Variants in WDPCP observed in about 807,000 individuals in gnomAD.
WDPCP encodes WD repeat-containing and planar cell polarity effector protein fritz homolog.
Under a neutral mutation model 93.1 loss-of-function variants are expected in WDPCP, and 71 were observed. That is an observed-to-expected ratio of 0.76 (90% CI 0.63 to 0.93). The LOEUF is 0.93. WDPCP is among the 40% of genes least tolerant of loss of function. The pLI, the probability that WDPCP is intolerant of heterozygous loss-of-function variation, is 0.00. For synonymous variants in WDPCP, 315 were observed against 315.0 expected, an observed-to-expected ratio of 1.00 and a Z score of 0.00; for missense variants, 844 against 887.4, an observed-to-expected ratio of 0.95 and a Z score of 0.62.
At chr2:63,124,210 G>C (rs1167382350) in intron 17 of WDPCP, among the ~76,000 whole-genome samples, 2 of 151,568 alleles carry the variant, frequency 1.3e-5, no homozygotes, top group Non-Finnish European at 2.9e-5. Flanking sequence ...TGTAGAATTG[G>C]TAGTTTTGCT....
chr2:63,397,274 A>G (rs1006659875), intron 10 of WDPCP, among the ~76,000 whole-genome samples: 2 of 152,178 alleles, frequency 1.3e-5, no homozygotes, highest in African/African-American at 4.8e-5. Flanking sequence ...GGATTCTAGA[A>G]CGACTTTTGA....
chr2:63,145,675 C>T (rs1349756270), intron 17 of WDPCP, among the ~76,000 whole-genome samples: 1 of 152,134 alleles, frequency 6.6e-6, no homozygotes, highest in Non-Finnish European at 1.5e-5. Flanking sequence ...TTGTCCTGGG[C>T]TACCTGCCTC....
intron 2 of WDPCP, among the ~76,000 whole-genome samples, chr2:63,664,170 G>A (rs969520874): frequency 6.6e-6 from 1 of 152,168 alleles, no homozygotes; most frequent in Non-Finnish European, 1.5e-5. Flanking sequence ...TCATCAGTAC[G>A]TGAGTGGTCA....
At chr2:63,328,497 AG>A (rs1198565832) in intron 12 of WDPCP, among the ~76,000 whole-genome samples, 17 of 152,082 alleles carry the variant, frequency 1.1e-4, no homozygotes, top group Non-Finnish European at 2.9e-5. Flanking sequence ...CGCCTTTAAG[AG>A]CTGTAACACT....
intron 7 of WDPCP, among the ~76,000 whole-genome samples, chr2:63,439,035 A>T (rs1697328285): frequency 6.6e-6 from 1 of 152,136 alleles, no homozygotes; most frequent in Non-Finnish European, 1.5e-5. Context: ...GACTCTGGAC[A>T]TGTTCCTTAG....
chr2:63,294,311 C>G (rs1684673291), intron 13 of WDPCP, among the ~76,000 whole-genome samples: 2 of 12,852 alleles, frequency 1.6e-4, no homozygotes, highest in Non-Finnish European at 2.6e-4. Flanking sequence ...CAGGACCAGT[C>G]TGGCCAACAG....
chr2:63,136,911 T>C (rs1670661023), intron 17 of WDPCP, among the ~76,000 whole-genome samples: 1 of 152,224 alleles, frequency 6.6e-6, no homozygotes, highest in Non-Finnish European at 1.5e-5. Context: ...CATGGCTGTA[T>C]AGTATTCCAT....
intron 13 of WDPCP, among the ~76,000 whole-genome samples, chr2:63,263,632 G>A (rs954698872): frequency 5.3e-5 from 8 of 152,154 alleles, no homozygotes; most frequent in African/African-American, 1.7e-4. Flanking sequence ...GCAGAAAACG[G>A]ATTAAGACAA....
chr2:63,448,970 T>C (rs1413242523), intron 6 of WDPCP, among the ~76,000 whole-genome samples: 1 of 152,156 alleles, frequency 6.6e-6, no homozygotes, highest in Non-Finnish European at 1.5e-5. Flanking sequence ...TAATAATGTG[T>C]TGTATATTTC....
At chr2:63,771,907 A>G (rs532783469) in intron 2 of WDPCP, among the ~76,000 whole-genome samples, 2 of 152,064 alleles carry the variant, frequency 1.3e-5, no homozygotes, top group Admixed American at 1.3e-4. Context: ...ATAGTATTCC[A>G]TTGTGTATAT....
At chr2:63,162,816 A>C (rs1279860299) in intron 15 of WDPCP, among the ~76,000 whole-genome samples, 9 of 152,144 alleles carry the variant, frequency 5.9e-5, no homozygotes, top group Admixed American at 5.9e-4. Flanking sequence ...AAGTCCACTA[A>C]TAAAGGTTAA....
intron 15 of WDPCP, among the ~76,000 whole-genome samples, chr2:63,171,274 C>CAG (rs1366974050): frequency 1.3e-5 from 2 of 152,160 alleles, no homozygotes; most frequent in Non-Finnish European, 2.9e-5. Context: ...AGGCAGATCA[C>CAG]AGACGGAGAA....
chr2:63,818,111 G>C (rs373174518), intron 1 of WDPCP, among the ~76,000 whole-genome samples: 2 of 152,152 alleles, frequency 1.3e-5, no homozygotes, highest in Non-Finnish European at 2.9e-5. Flanking sequence ...AAAGAGAATT[G>C]GCGAGTAATG....
intron 1 of WDPCP, among the ~76,000 whole-genome samples, chr2:63,546,851 A>G (rs1705189739): frequency 6.6e-6 from 1 of 152,140 alleles, no homozygotes; most frequent in Admixed American, 6.5e-5. Context: ...ATAAATAACT[A>G]TATTTATATC....
chr2:63,487,769 C>T (rs573643007), intron 2 of WDPCP, among the ~76,000 whole-genome samples: 1 of 152,118 alleles, frequency 6.6e-6, no homozygotes, highest in South Asian at 2.1e-4. Context: ...TCAAGAAACA[C>T]CAAGTTTTCT....
intron 9 of WDPCP, among the ~76,000 whole-genome samples, chr2:63,416,318 G>A (rs1394794670): frequency 1.2e-4 from 18 of 151,412 alleles, no homozygotes; most frequent in Admixed American, 1.2e-3. Context: ...TCCTGCCTCA[G>A]CCTCCCGAGT....
At chr2:63,508,827 AG>A (rs1702047601) in intron 1 of WDPCP, among the ~76,000 whole-genome samples, 2 of 146,410 alleles carry the variant, frequency 1.4e-5, no homozygotes, top group South Asian at 4.1e-4. Flanking sequence ...AGATCAAAAA[AG>A]ACAAAGAAGG....
rs763598392 is a variant in WDPCP at position 63,439,842 on chromosome 2, A to C, written c.414T>G (p.Ser138=). The stretch of plus-strand genomic sequence containing the variant: ...CCAGCTGCGGCCCAGAAAGGCTTAG[A>C]GACACCAGCACACCTGAACCAAAAA... ...QLLFGSGVLV[S]LSLSGPQLEK... Residue 138 remains serine, a synonymous_variant, in exon 7 of 18, where the codon TCT becomes TCG. Transcript: ENST00000272321. 2 of 1,613,280 alleles carry C rather than the reference A, an allele frequency of 1.2e-6. No individual in the cohort carries two copies. The highest frequency in any genetic ancestry group is 1.1e-5 in the South Asian group (1 of 91,060).
At chr2:63,819,351 A>G (rs1028855103) in intron 1 of WDPCP, among the ~76,000 whole-genome samples, 2 of 151,476 alleles carry the variant, frequency 1.3e-5, no homozygotes, top group Non-Finnish European at 3.0e-5. Context: ...TACTAAAGTT[A>G]TTACCTGCAT....
Sources: allele counts gnomAD v4.1 joint callset (sites outside exome capture counted in the v4.1 genomes callset), GRCh38; gene constraint gnomAD v4.1.1; transcripts MANE v1.5; gene names NCBI Gene and HGNC (gene_info 2026-07-23, HGNC 2026-07-21).